CTDSPL2: variants seen among roughly 807,000 people sequenced by gnomAD.
The protein encoded by CTDSPL2 is CTD small phosphatase-like protein 2.
CTDSPL2 carries 5 observed loss-of-function variants against 60.0 expected under a neutral mutation model. That is an observed-to-expected ratio of 0.08 (90% CI 0.04 to 0.18). The LOEUF is 0.18. Among genes scored for constraint, CTDSPL2 ranks in the 10% least tolerant of loss-of-function variants. The pLI is 1.00. For synonymous variants in CTDSPL2, 186 were observed against 189.3 expected, an observed-to-expected ratio of 0.98 and a Z score of 0.14; for missense variants, 370 against 548.8, an observed-to-expected ratio of 0.67 and a Z score of 3.26.
chr15:44,435,709 C>T (rs1262555287), intron 1 of CTDSPL2, among the ~76,000 whole-genome samples: 1 of 149,568 alleles, frequency 6.7e-6, no homozygotes, highest in Non-Finnish European at 1.5e-5. Flanking sequence ...CGGGTTCAAG[C>T]GATTCTCCTG....
intron 1 of CTDSPL2, among the ~76,000 whole-genome samples, chr15:44,455,076 A>G (rs894321844): frequency 2.6e-5 from 4 of 152,056 alleles, no homozygotes; most frequent in Admixed American, 6.5e-5. Flanking sequence ...GTGTTCTTCC[A>G]TTTGTTTGTG....
intron 12 of CTDSPL2, 94 bp downstream of exon 12, chr15:44,521,500 T>C: frequency 1.5e-6 from 1 of 669,828 alleles, no homozygotes; most frequent in Non-Finnish European, 2.4e-6. Flanking sequence ...GTGTACTGAC[T>C]TATAAAGTCA....
intron 1 of CTDSPL2, among the ~76,000 whole-genome samples, chr15:44,434,096 T>C (rs1285482848): frequency 1.3e-5 from 2 of 152,042 alleles, no homozygotes; most frequent in African/African-American, 4.8e-5. Flanking sequence ...ATTTATTTAT[T>C]TTTTTCTTAA....
chr15:44,508,071 T>A (rs1239330576), intron 8 of CTDSPL2, among the ~76,000 whole-genome samples: 2 of 151,926 alleles, frequency 1.3e-5, no homozygotes, highest in Admixed American at 1.3e-4. Context: ...AATTGTAGCA[T>A]CTCATTCTTT....
intron 1 of CTDSPL2, among the ~76,000 whole-genome samples, chr15:44,444,089 G>C (rs2080150044): frequency 6.6e-6 from 1 of 151,768 alleles, no homozygotes; most frequent in Admixed American, 6.6e-5. Context: ...TAGTTTTTTA[G>C]GGATGGGGTC....
chr15:44,468,204 G>C (rs996708350), intron 2 of CTDSPL2, among the ~76,000 whole-genome samples: 7 of 151,964 alleles, frequency 4.6e-5, no homozygotes, highest in African/African-American at 1.5e-4. Flanking sequence ...TCTTTGTGGG[G>C]TATCTTTTAC....
Position 44,488,294 on chromosome 15 carries a change from A to G in CTDSPL2, c.475+1594A>G, listed in dbSNP as rs1315205244. Among the ~76,000 whole-genome samples the G allele has an allele frequency of 2.0e-5, 3 of 152,120 alleles. No individual in the cohort carries two copies. In the East Asian group the frequency reaches 5.8e-4, roughly 29 times the overall value. On this transcript the variant is annotated intron_variant, in intron 4 of 12. Transcript: ENST00000260327. ...CAGGTAGAACAATTAGTAGACTTGT[A>G]GTCGTTTGTGTGAGACTTGATGAGA... is the stretch of plus-strand genomic sequence containing the variant.
chr15:44,461,189 C>T (rs1490074901), intron 2 of CTDSPL2, among the ~76,000 whole-genome samples: 1 of 152,062 alleles, frequency 6.6e-6, no homozygotes, highest in Non-Finnish European at 1.5e-5. Context: ...GTTATGTCTT[C>T]AGAATTCTAT....
intron 12 of CTDSPL2, among the ~76,000 whole-genome samples, chr15:44,523,876 G>A (rs1279499828): frequency 6.6e-6 from 1 of 152,142 alleles, no homozygotes; most frequent in Admixed American, 6.6e-5. Flanking sequence ...TCCAGCCTGA[G>A]CAACAGAGCA....
intron 8 of CTDSPL2, among the ~76,000 whole-genome samples, chr15:44,506,973 A>T (rs961742325): frequency 5.3e-5 from 8 of 149,972 alleles, no homozygotes; most frequent in South Asian, 2.1e-4. Flanking sequence ...TTCACCGTGT[A>T]AGCCAGGACG....
At chr15:44,503,664 T>C (rs547971725) in intron 8 of CTDSPL2, 15 of 152,346 alleles carry the variant, frequency 9.8e-5, no homozygotes, top group African/African-American at 3.6e-4. Context: ...AAAAAGAAGA[T>C]ACCTCATATG....
chr15:44,464,974 G>A (rs1237404050), intron 2 of CTDSPL2, among the ~76,000 whole-genome samples: 1 of 152,166 alleles, frequency 6.6e-6, no homozygotes, highest in Admixed American at 6.5e-5. Context: ...CCAAAGTGCT[G>A]GGATTACAGG....
chr15:44,523,905 C>G (rs1355426405), intron 12 of CTDSPL2, among the ~76,000 whole-genome samples: 2 of 152,064 alleles, frequency 1.3e-5, no homozygotes, highest in Non-Finnish European at 2.9e-5. Context: ...TCTGAAAAAA[C>G]AAAAATTTAA....
chr15:44,444,754 T>G (rs1218848798), intron 1 of CTDSPL2, among the ~76,000 whole-genome samples: 2 of 150,710 alleles, frequency 1.3e-5, no homozygotes, highest in African/African-American at 4.9e-5. Flanking sequence ...TTTTGGCGTT[T>G]AGATATATAG....
chr15:44,489,091 T>C (rs1346690397), intron 4 of CTDSPL2, among the ~76,000 whole-genome samples: 1 of 151,904 alleles, frequency 6.6e-6, no homozygotes, highest in African/African-American at 2.4e-5. Context: ...CCCCACCCCA[T>C]ACACACACAA....
intron 5 of CTDSPL2, among the ~76,000 whole-genome samples, chr15:44,495,084 G>A (rs772983256): frequency 6.6e-6 from 1 of 152,126 alleles, no homozygotes; most frequent in Non-Finnish European, 1.5e-5. Context: ...CGATTCTTCT[G>A]CCTTAGCCTC....
chr15:44,455,691 G>A (rs1440777745), intron 1 of CTDSPL2, among the ~76,000 whole-genome samples: 1 of 152,114 alleles, frequency 6.6e-6, no homozygotes, highest in East Asian at 1.9e-4. Flanking sequence ...TGTGGTTTTT[G>A]TCTTTGGTTC....
intron 1 of CTDSPL2, chr15:44,448,260 C>A: frequency 3.4e-6 from 1 of 289,950 alleles, no homozygotes; most frequent in East Asian, 9.7e-5. Context: ...GCTCCGTGAC[C>A]TTGCCTGTGT....
intron 2 of CTDSPL2, among the ~76,000 whole-genome samples, chr15:44,461,295 A>G (rs2080562692): frequency 6.6e-6 from 1 of 152,242 alleles, no homozygotes. Context: ...ACTCTCCAAA[A>G]ACTTAACACT....
Sources: allele counts gnomAD v4.1 joint callset (sites outside exome capture counted in the v4.1 genomes callset), GRCh38; gene constraint gnomAD v4.1.1; transcripts MANE v1.5; gene names NCBI Gene and HGNC (gene_info 2026-07-23, HGNC 2026-07-21).